Variants in CELF2 observed in about 807,000 individuals in gnomAD.
CELF2 encodes the protein CUG triplet repeat RNA-binding protein 2.
CELF2 carries 8 observed loss-of-function variants against 62.6 expected under a neutral mutation model. That is an observed-to-expected ratio of 0.13 (90% CI 0.07 to 0.23). The LOEUF is 0.23. Ranked by LOEUF, CELF2 falls within the 10% of genes least tolerant of loss-of-function variation. The probability of loss-of-function intolerance (pLI) is 1.00; values close to 1 mark genes in which losing one functional copy is unlikely to be tolerated. For synonymous variants in CELF2, 258 were observed against 250.0 expected, an observed-to-expected ratio of 1.03 and a Z score of -0.30; for missense variants, 333 against 671.0, an observed-to-expected ratio of 0.50 and a Z score of 5.56.
the CELF2 span, among the ~76,000 whole-genome samples, chr10:10,611,796 A>T: frequency 3.9e-5 from 6 of 152,226 alleles, no homozygotes; most frequent in Non-Finnish European, 7.3e-5. Flanking sequence ...ATTGATGTAT[A>T]AAATCTCCTT....
chr10:11,103,331 AT>A (rs3054362), intron 1 of CELF2, among the ~76,000 whole-genome samples: 37,750 of 145,158 alleles, frequency 0.26, 4,597 homozygotes, highest in Middle Eastern at 0.31. Flanking sequence ...TACATTATGG[AT>A]TTTTTTTTTT....
intron 4 of CELF2, among the ~76,000 whole-genome samples, chr10:11,250,417 CACTTT>C (rs1160095875): frequency 6.6e-6 from 1 of 152,244 alleles, no homozygotes; most frequent in Non-Finnish European, 1.5e-5. Flanking sequence ...CTCAGCCCTG[CACTTT>C]ACTTAGGGTT....
intron 1 of CELF2, among the ~76,000 whole-genome samples, chr10:11,052,167 C>G (rs1458772231): frequency 6.6e-6 from 1 of 152,108 alleles, no homozygotes; most frequent in Non-Finnish European, 1.5e-5. Flanking sequence ...AATTCCTGGG[C>G]TCAAGCAATC....
intron 1 of CELF2, among the ~76,000 whole-genome samples, chr10:11,100,152 G>A (rs1006331852): frequency 6.6e-6 from 1 of 151,938 alleles, no homozygotes; most frequent in South Asian, 2.1e-4. Flanking sequence ...TGCAGTGAGC[G>A]TAGATGGCGC....
chr10:10,647,708 G>T, the CELF2 span, among the ~76,000 whole-genome samples: 3 of 152,136 alleles, frequency 2.0e-5, no homozygotes, highest in African/African-American at 7.2e-5. Flanking sequence ...ATATTTCAAG[G>T]CTTGCTTTCT....
intron 1 of CELF2, among the ~76,000 whole-genome samples, chr10:11,053,524 T>C (rs752111179): frequency 8.6e-5 from 13 of 151,420 alleles, no homozygotes; most frequent in Non-Finnish European, 1.8e-4. Flanking sequence ...ATTTTTTGCA[T>C]CAACAAATTT....
At chr10:10,498,988 T>C in the CELF2 span, among the ~76,000 whole-genome samples, 1 of 151,968 alleles carries the variant, frequency 6.6e-6, no homozygotes, top group East Asian at 1.9e-4. Context: ...TCAAAGAGAG[T>C]CTGCATGGTC....
At chr10:10,516,784 C>T in the CELF2 span, among the ~76,000 whole-genome samples, 1 of 151,886 alleles carries the variant, frequency 6.6e-6, no homozygotes, top group Non-Finnish European at 1.5e-5. Context: ...GTTCTCTCCC[C>T]ACCCCTTGCC....
At chr10:11,097,645 A>T (rs993689828) in intron 1 of CELF2, among the ~76,000 whole-genome samples, 3 of 152,126 alleles carry the variant, frequency 2.0e-5, no homozygotes, top group Admixed American at 6.5e-5. Context: ...CTGAAAACCA[A>T]GTTTTTGTCT....
chr10:10,821,344 T>G (rs1388476441), intron 1 of CELF2, among the ~76,000 whole-genome samples: 1 of 152,114 alleles, frequency 6.6e-6, no homozygotes, highest in African/African-American at 2.4e-5. Flanking sequence ...GGTGCATGTG[T>G]GTGGGCAGGC....
At chr10:10,629,348 A>AT in the CELF2 span, among the ~76,000 whole-genome samples, 3 of 152,038 alleles carry the variant, frequency 2.0e-5, no homozygotes, top group Non-Finnish European at 4.4e-5. Flanking sequence ...TCAAGTTAAG[A>AT]TTTTTTTCCC....
intron 1 of CELF2, among the ~76,000 whole-genome samples, chr10:11,031,373 A>G (rs570901546): frequency 1.3e-5 from 2 of 152,308 alleles, no homozygotes; most frequent in South Asian, 4.1e-4. Flanking sequence ...GGATCATTAC[A>G]CTTTCAGCCA....
At chr10:10,567,341 A>G in the CELF2 span, among the ~76,000 whole-genome samples, 3 of 152,324 alleles carry the variant, frequency 2.0e-5, no homozygotes, top group African/African-American at 7.2e-5. Context: ...GTTGCCATTT[A>G]TAGATCAATT....
the CELF2 span, among the ~76,000 whole-genome samples, chr10:10,732,224 T>A: frequency 1.3e-5 from 2 of 152,064 alleles, no homozygotes; most frequent in Non-Finnish European, 2.9e-5. Context: ...ATTGTGACCT[T>A]TTTCTCATTT....
In CELF2 at chr10:11,123,705, C is replaced by T. The variant is rs115912802; in HGVS notation, c.75-41781C>T. Among the ~76,000 whole-genome samples the T allele has an allele frequency of 6.7e-4, 102 of 152,252 alleles. 1 individual carries two copies. The Middle Eastern group carries it at 0.02, about 30-fold the overall frequency. On this transcript the variant is annotated intron_variant, in intron 1 of 12. Transcript: ENST00000633077. ...AGAGCCTGCTACCCCCATCCTGCTG[C>T]GCAGTGGCCATTACTTCTCTAGTGA...
chr10:10,881,340 C>T (rs2061426810), intron 1 of CELF2, among the ~76,000 whole-genome samples: 2 of 152,160 alleles, frequency 1.3e-5, no homozygotes, highest in Admixed American at 1.3e-4. Context: ...TGGCTGCGTA[C>T]AGAATTCATG....
intron 1 of CELF2, among the ~76,000 whole-genome samples, chr10:10,825,519 T>C (rs891900140): frequency 2.6e-5 from 4 of 152,198 alleles, no homozygotes; most frequent in Admixed American, 2.6e-4. Flanking sequence ...TGGATACCGA[T>C]GTTTTAAGTG....
the CELF2 span, among the ~76,000 whole-genome samples, chr10:10,549,580 G>A: frequency 1.4e-4 from 21 of 152,256 alleles, no homozygotes; most frequent in East Asian, 7.7e-4. Flanking sequence ...CACTGCGCCC[G>A]GCCCCAGTTG....
chr10:11,103,006 C>T (rs1473329756), intron 1 of CELF2, among the ~76,000 whole-genome samples: 1 of 152,210 alleles, frequency 6.6e-6, no homozygotes, highest in Non-Finnish European at 1.5e-5. Flanking sequence ...AAACCTGAGT[C>T]TCATCTTGTT....
Sources: allele counts gnomAD v4.1 joint callset (sites outside exome capture counted in the v4.1 genomes callset), GRCh38; gene constraint gnomAD v4.1.1; transcripts MANE v1.5; gene names NCBI Gene and HGNC (gene_info 2026-07-23, HGNC 2026-07-21).